CNTN5: variants seen among roughly 807,000 people sequenced by gnomAD.
The protein encoded by CNTN5 is contactin 5.
Under a neutral mutation model 129.1 loss-of-function variants are expected in CNTN5, and 77 were observed. That is an observed-to-expected ratio of 0.60 (90% confidence interval 0.50 to 0.72). CNTN5 has a LOEUF of 0.72. CNTN5 is among the 30% of genes least tolerant of loss of function. The pLI, the probability that CNTN5 is intolerant of heterozygous loss-of-function variation, is 0.00. For synonymous variants in CNTN5, 509 were observed against 465.6 expected (o/e 1.09, Z -1.20); for missense variants, 1,478 against 1,328.8 (o/e 1.11, Z -1.75).
At chr11:99,059,985 A>G (rs1439685068) in intron 1 of CNTN5, among the ~76,000 whole-genome samples, 1 of 152,126 alleles carries the variant, frequency 6.6e-6, no homozygotes, top group Non-Finnish European at 1.5e-5. Flanking sequence ...ATTTCATAGT[A>G]AGATACATAT....
At chr11:99,184,983 T>A (rs1447996068) in intron 1 of CNTN5, among the ~76,000 whole-genome samples, 2 of 151,730 alleles carry the variant, frequency 1.3e-5, no homozygotes, top group Non-Finnish European at 2.9e-5. Context: ...TAAAGAAACT[T>A]GAACTGAAGT....
At chr11:99,948,556 C>A (rs921651405) in intron 7 of CNTN5, among the ~76,000 whole-genome samples, 1 of 152,168 alleles carries the variant, frequency 6.6e-6, no homozygotes, top group Non-Finnish European at 1.5e-5. Flanking sequence ...TGCATATAAA[C>A]CTCAATCTAG....
At chr11:99,281,612 A>G (rs1386113448) in intron 1 of CNTN5, among the ~76,000 whole-genome samples, 2 of 151,904 alleles carry the variant, frequency 1.3e-5, no homozygotes, top group Admixed American at 1.3e-4. Flanking sequence ...CACGGTCTTT[A>G]TAACTTCTAT....
intron 17 of CNTN5, among the ~76,000 whole-genome samples, chr11:100,257,913 A>T (rs549048468): frequency 6.6e-6 from 1 of 152,318 alleles, no homozygotes; most frequent in Admixed American, 6.5e-5. Flanking sequence ...CTCGCCAGCA[A>T]GGGAACAAAA....
intron 6 of CNTN5, among the ~76,000 whole-genome samples, chr11:99,872,775 C>T (rs759074398): frequency 6.6e-6 from 1 of 152,104 alleles, no homozygotes; most frequent in Non-Finnish European, 1.5e-5. Context: ...TTTCTCAAAA[C>T]ATTTCATTTA....
chr11:99,512,296 C>T (rs2135414463), intron 2 of CNTN5, among the ~76,000 whole-genome samples: 1 of 152,272 alleles, frequency 6.6e-6, no homozygotes, highest in South Asian at 2.1e-4. Context: ...AGCACGGTAA[C>T]ATGCTGTGCA....
At chr11:99,030,019 C>T (rs1288816107) in intron 1 of CNTN5, among the ~76,000 whole-genome samples, 1 of 152,036 alleles carries the variant, frequency 6.6e-6, no homozygotes, top group African/African-American at 2.4e-5. Context: ...ATGAACTCCA[C>T]AGAAGAGAGA....
chr11:99,762,819 C>G (rs993118509), intron 3 of CNTN5, among the ~76,000 whole-genome samples: 3 of 152,118 alleles, frequency 2.0e-5, no homozygotes, highest in Non-Finnish European at 4.4e-5. Flanking sequence ...TACACAAATA[C>G]TTTCAAAGTG....
chr11:99,171,037 G>T, intron 1 of CNTN5, among the ~76,000 whole-genome samples: 1 of 152,064 alleles, frequency 6.6e-6, no homozygotes, highest in Non-Finnish European at 1.5e-5. Flanking sequence ...TCATTAACAT[G>T]ACTGCATCAC....
chr11:99,033,115 C>A (rs1863488716), intron 1 of CNTN5, among the ~76,000 whole-genome samples: 1 of 150,106 alleles, frequency 6.7e-6, no homozygotes, highest in Non-Finnish European at 1.5e-5. Context: ...CTGTTCTGTT[C>A]CATTGATCTA....
chr11:100,000,587 G>A (rs1243622973), intron 8 of CNTN5, among the ~76,000 whole-genome samples: 3 of 152,166 alleles, frequency 2.0e-5, no homozygotes, highest in South Asian at 2.1e-4. Context: ...CCATTCTGGG[G>A]TCTGGAGGAT....
At chr11:100,011,178 C>T (rs946761382) in intron 9 of CNTN5, among the ~76,000 whole-genome samples, 7 of 152,110 alleles carry the variant, frequency 4.6e-5, no homozygotes, top group South Asian at 2.1e-4. Context: ...AAAATTCTTA[C>T]CACATTTACA....
chr11:99,881,529 T>C (rs1948771818), intron 6 of CNTN5, among the ~76,000 whole-genome samples: 1 of 152,204 alleles, frequency 6.6e-6, no homozygotes, highest in Admixed American at 6.5e-5. Flanking sequence ...TACAGCATCA[T>C]TGTTCTCATA....
intron 6 of CNTN5, among the ~76,000 whole-genome samples, chr11:99,872,472 T>C (rs945536958): frequency 1.3e-5 from 2 of 152,158 alleles, no homozygotes; most frequent in African/African-American, 4.8e-5. Context: ...GGAAGTTTCT[T>C]GCCTCATTCC....
At chr11:99,779,222 A>G (rs928581516) in intron 3 of CNTN5, among the ~76,000 whole-genome samples, 2 of 151,994 alleles carry the variant, frequency 1.3e-5, no homozygotes, top group East Asian at 1.9e-4. Context: ...ACAAGTTTGT[A>G]GAATTTTAGG....
At chr11:99,352,627 C>T (rs1938376031) in intron 2 of CNTN5, among the ~76,000 whole-genome samples, 1 of 152,178 alleles carries the variant, frequency 6.6e-6, no homozygotes, top group Admixed American at 6.5e-5. Context: ...GTCTTCCTTA[C>T]TTTCCACAAT....
chr11:99,714,867 CT>C (rs1234879440), intron 3 of CNTN5, among the ~76,000 whole-genome samples: 1 of 129,404 alleles, frequency 7.7e-6, no homozygotes, highest in East Asian at 2.3e-4. Flanking sequence ...AAAAAAAAAC[CT>C]TGAAGCTGTC....
intron 1 of CNTN5, among the ~76,000 whole-genome samples, chr11:99,237,805 T>C (rs190002996): frequency 1.3e-5 from 2 of 152,210 alleles, no homozygotes; most frequent in African/African-American, 4.8e-5. Flanking sequence ...TTAATAATTA[T>C]GGGTCCAATT....
At chr11:99,548,059 T>A (rs1456251198) in intron 2 of CNTN5, among the ~76,000 whole-genome samples, 1 of 152,202 alleles carries the variant, frequency 6.6e-6, no homozygotes, top group Non-Finnish European at 1.5e-5. Flanking sequence ...AACAATTATA[T>A]GTGTTTTCTA....
Sources: allele counts gnomAD v4.1 joint callset (sites outside exome capture counted in the v4.1 genomes callset), GRCh38; gene constraint gnomAD v4.1.1; transcripts MANE v1.5; gene names NCBI Gene and HGNC (gene_info 2026-07-23, HGNC 2026-07-21).